The following HACD1 variants were observed in gnomAD, a reference collection of about 807,000 sequenced individuals.
The protein encoded by HACD1 is very-long-chain (3R)-3-hydroxyacyl-CoA dehydratase 1.
Under a neutral mutation model 32.0 loss-of-function variants are expected in HACD1, and 41 were observed. That is an observed-to-expected ratio of 1.28 (90% confidence interval 1.00 to 1.66). The LOEUF (loss-of-function observed/expected upper bound fraction) is 1.66. HACD1 is among the 40% of genes most tolerant of loss of function. HACD1 has a pLI of 0.00. For synonymous variants in HACD1, 142 were observed against 139.0 expected, an observed-to-expected ratio of 1.02 and a Z score of -0.15; for missense variants, 396 against 380.1, an observed-to-expected ratio of 1.04 and a Z score of -0.35.
At chr10:17,610,098 C>T (rs144148737) in intron 1 of HACD1, among the ~76,000 whole-genome samples, 1 of 152,056 alleles carries the variant, frequency 6.6e-6, no homozygotes, top group East Asian at 1.9e-4. Context: ...CGTACATAGA[C>T]ATGTACATGC....
Position 17,590,232 on chromosome 10 carries a change from C to T in HACD1, c.*132G>A, listed in dbSNP as rs1317008909. 91 of 597,580 alleles carry T rather than the reference C, an allele frequency of 1.5e-4. No individual in the cohort carries two copies. The highest frequency in any genetic ancestry group is 2.2e-4 in the Non-Finnish European group (79 of 351,728). The allele number at this position is 597,580 out of a possible 1,614,324, so 37.0% of individuals were successfully genotyped here. A position where few individuals can be genotyped will look rare whatever the true frequency, so the allele number is the denominator to read the frequency against. ...GGAACACAAATACTGGCAAATACCA[C>T]GTGTCTCAAGTTATATTTTAAGAAA... On this transcript the variant is annotated 3_prime_UTR_variant, in exon 7 of 7. Transcript: ENST00000361271.
intron 1 of HACD1, among the ~76,000 whole-genome samples, chr10:17,608,334 T>A (rs1834178206): frequency 6.6e-6 from 1 of 152,020 alleles, no homozygotes; most frequent in Non-Finnish European, 1.5e-5. Context: ...GGCCAGACTC[T>A]CTCTTTTGTG....
chr10:17,617,040 C>T, intron 1 of HACD1, 43 bp downstream of exon 1: 1 of 1,377,480 alleles, frequency 7.3e-7, no homozygotes. Flanking sequence ...CTCCGCGGAC[C>T]GCGGCGCGGG....
intron 4 of HACD1, among the ~76,000 whole-genome samples, chr10:17,600,680 T>G (rs1017669630): frequency 1.3e-5 from 2 of 152,162 alleles, no homozygotes; most frequent in Non-Finnish European, 2.9e-5. Context: ...CATTTGCCAA[T>G]CTGTACTAAG....
At position 17,599,394 on chromosome 10, in the gene HACD1, A is replaced by G. The variant is rs147974604; in HGVS notation, c.501T>C (p.Ser167=). The G allele has an allele frequency of 1.9e-6, 3 of 1,613,098 alleles. No homozygotes were observed. Among genetic ancestry groups the G allele is most frequent in the Non-Finnish European group, 2.5e-6 (3 of 1,179,872 alleles). Residue 167 remains serine, a synonymous_variant, in exon 5 of 7, where the codon AGT becomes AGC. Coordinates refer to ENST00000361271, the MANE Select transcript of HACD1 (RefSeq NM_014241.4). ...TCCACGCGACCAGAAAAAGCACCACACTCTCTTCATTCTGGATCTGCAGAA... is the reference window on the plus strand; with the variant it reads ...TCCACGCGACCAGAAAAAGCACCACGCTCTCTTCATTCTGGATCTGCAGAA... ...HSIKPIQNEE[S]VVLFLVAWTV...
chr10:17,590,559 G>T, intron 6 of HACD1, 113 bp from the exon 7 acceptor site: 1 of 667,888 alleles, frequency 1.5e-6, no homozygotes, highest in Non-Finnish European at 2.4e-6. Context: ...TACCACTGCT[G>T]TTCCCTGGAT....
At chr10:17,594,148 C>T in intron 6 of HACD1, 57 bp downstream of exon 6, 1 of 1,255,638 alleles carries the variant, frequency 8.0e-7, no homozygotes, top group Non-Finnish European at 1.0e-6. Flanking sequence ...TTATTATATC[C>T]TTTCAAAAAT....
At chr10:17,603,810 A>G (rs1588989254) in intron 2 of HACD1, 66 bp from the exon 3 acceptor site, 4 of 1,529,466 alleles carry the variant, frequency 2.6e-6, no homozygotes, top group East Asian at 4.5e-5. Context: ...CACTGTCAAC[A>G]TTGGCATTCA....
At chr10:17,613,392 G>T (rs553200404) in intron 1 of HACD1, among the ~76,000 whole-genome samples, 1 of 152,232 alleles carries the variant, frequency 6.6e-6, no homozygotes, top group African/African-American at 2.4e-5. Flanking sequence ...TATAAAACGT[G>T]TAAGTTCTTG....
chr10:17,610,094 T>C (rs1212453068), intron 1 of HACD1, among the ~76,000 whole-genome samples: 2 of 151,890 alleles, frequency 1.3e-5, no homozygotes, highest in Non-Finnish European at 2.9e-5. Context: ...TGTTCGTACA[T>C]AGACATGTAC....
rs916394064 is a variant in HACD1 at position 17,590,211 on chromosome 10, C to T, written c.*153G>A. On this transcript the variant is annotated 3_prime_UTR_variant, in exon 7 of 7. Transcript: ENST00000361271. ...AAAAATAGATCTGGCACAAGAGGAA[C>T]ACAAATACTGGCAAATACCACGTGT... The T allele has an allele frequency of 4.0e-6, 2 of 503,636 alleles. No individual in the cohort carries two copies. Among genetic ancestry groups the T allele is most frequent in the Non-Finnish European group, 3.5e-6 (1 of 288,966 alleles). 31.2% of individuals were successfully genotyped at this position (503,636 alleles called of 1,614,324 possible).
intron 1 of HACD1, among the ~76,000 whole-genome samples, chr10:17,613,463 T>G (rs1442078962): frequency 6.6e-6 from 1 of 152,114 alleles, no homozygotes; most frequent in Middle Eastern, 3.2e-3. Flanking sequence ...AACAGCACCC[T>G]CCAGTTCAAT....
intron 5 of HACD1, among the ~76,000 whole-genome samples, chr10:17,595,048 A>G (rs1022447675): frequency 2.0e-5 from 3 of 151,706 alleles, no homozygotes; most frequent in Admixed American, 1.3e-4. Context: ...TAGTAGAGAC[A>G]GGGTTTCACC....
intron 1 of HACD1, among the ~76,000 whole-genome samples, chr10:17,604,982 A>G (rs1374009432): frequency 6.6e-6 from 1 of 152,222 alleles, no homozygotes; most frequent in East Asian, 1.9e-4. Context: ...CTGGGATTAC[A>G]TGGAGTGAGC....
chr10:17,610,109 A>G (rs782768704), intron 1 of HACD1, among the ~76,000 whole-genome samples: 5 of 152,224 alleles, frequency 3.3e-5, no homozygotes, highest in Admixed American at 1.3e-4. Flanking sequence ...ATGTACATGC[A>G]TGCTTATAGC....
At chr10:17,613,425 T>G (rs1554817734) in intron 1 of HACD1, among the ~76,000 whole-genome samples, 1 of 152,150 alleles carries the variant, frequency 6.6e-6, no homozygotes, top group East Asian at 1.9e-4. Flanking sequence ...CACTACAACT[T>G]CTTCAACCTT....
At chr10:17,606,308 G>C (rs1834147916) in intron 1 of HACD1, among the ~76,000 whole-genome samples, 1 of 152,228 alleles carries the variant, frequency 6.6e-6, no homozygotes, top group Non-Finnish European at 1.5e-5. Flanking sequence ...TAGAGTTGTG[G>C]AGACCAGCTT....
intron 1 of HACD1, among the ~76,000 whole-genome samples, chr10:17,610,792 A>G (rs894623878): frequency 7.9e-5 from 12 of 152,196 alleles, no homozygotes; most frequent in African/African-American, 2.9e-4. Flanking sequence ...CCAACTTTAC[A>G]GATGAGAAAA....
intron 1 of HACD1, among the ~76,000 whole-genome samples, chr10:17,611,833 G>A (rs924612715): frequency 6.6e-6 from 1 of 152,042 alleles, no homozygotes; most frequent in Admixed American, 6.6e-5. Context: ...CAGGCGTGGT[G>A]GGGGGTGCCT....
Sources: gnomAD v4.1 joint callset for allele counts (sites outside exome capture counted in the v4.1 genomes callset) on GRCh38, gnomAD v4.1.1 for gene constraint, MANE v1.5 for transcripts, NCBI Gene and HGNC (gene_info 2026-07-23, HGNC 2026-07-21) for gene names.